Variants in DCBLD2 observed in about 807,000 individuals in gnomAD.
DCBLD2 encodes the protein discoidin, CUB and LCCL domain-containing protein 2.
In DCBLD2, 54 loss-of-function variants were observed where a neutral mutation model predicts 86.8. That is an observed-to-expected ratio of 0.62 (90% CI 0.50 to 0.78). The LOEUF (loss-of-function observed/expected upper bound fraction) is 0.78, where lower values mean the gene tolerates loss of function less well. Among genes scored for constraint, DCBLD2 ranks in the 30% least tolerant of loss-of-function variants. The pLI, the probability that DCBLD2 is intolerant of heterozygous loss-of-function variation, is 0.00. For missense variants in DCBLD2, 908 were observed against 954.2 expected, an observed-to-expected ratio of 0.95 and a Z score of 0.64; for synonymous variants, 354 against 341.3, an observed-to-expected ratio of 1.04 and a Z score of -0.41.
At chr3:98,865,132 A>T (rs139500395) in intron 2 of DCBLD2, among the ~76,000 whole-genome samples, 1 of 152,294 alleles carries the variant, frequency 6.6e-6, no homozygotes, top group East Asian at 1.9e-4. Context: ...AAGAAAATGA[A>T]ATCAGTATGT....
At chr3:98,886,420 G>C (rs1943563928) in intron 1 of DCBLD2, among the ~76,000 whole-genome samples, 2 of 151,860 alleles carry the variant, frequency 1.3e-5, no homozygotes, top group South Asian at 4.2e-4. Flanking sequence ...AGGCAGAATT[G>C]ACAAAAAGAG....
At chr3:98,849,740 A>G in intron 2 of DCBLD2, 142 bp from the exon 3 acceptor site, 5 of 945,244 alleles carry the variant, frequency 5.3e-6, no homozygotes, top group African/African-American at 1.7e-5. Context: ...TTTAATGATT[A>G]CCAATCATAT....
chr3:98,836,364 C>A (rs1290576486), intron 3 of DCBLD2, among the ~76,000 whole-genome samples: 1 of 147,594 alleles, frequency 6.8e-6, no homozygotes, highest in Admixed American at 6.8e-5. Flanking sequence ...ATTTGTATAA[C>A]ATGGAACGTT....
intron 3 of DCBLD2, among the ~76,000 whole-genome samples, chr3:98,838,675 C>T (rs901935537): frequency 1.2e-4 from 19 of 152,118 alleles, no homozygotes; most frequent in African/African-American, 4.6e-4. Context: ...AATCTCGGCA[C>T]TTTGGGAGGC....
chr3:98,880,636 T>G (rs1943448837), intron 2 of DCBLD2, among the ~76,000 whole-genome samples: 1 of 152,208 alleles, frequency 6.6e-6, no homozygotes, highest in East Asian at 1.9e-4. Context: ...TGAGAACCAC[T>G]GCTCTTAATC....
At chr3:98,817,724 C>G in intron 9 of DCBLD2, 45 bp downstream of exon 9, 1 of 1,596,738 alleles carries the variant, frequency 6.3e-7, no homozygotes, top group Non-Finnish European at 8.6e-7. Flanking sequence ...TGGCAACCAC[C>G]CATTTAAAAA....
At chr3:98,810,242 G>A (rs1040682734) in intron 12 of DCBLD2, among the ~76,000 whole-genome samples, 34 of 152,178 alleles carry the variant, frequency 2.2e-4, no homozygotes, top group Admixed American at 2.2e-3. Context: ...TCTGACAACT[G>A]GTAAGCAGTT....
At position 98,797,665 on chromosome 3, in the gene DCBLD2, G is replaced by A. The variant is rs1478986169; in HGVS notation, c.*1707C>T. On this transcript the variant is annotated 3_prime_UTR_variant, in exon 16 of 16. Coordinates refer to ENST00000326840, the MANE Select transcript of DCBLD2 (RefSeq NM_080927.4). ...AAAGTTTGGAGAAGGAAAAGCCAGT[G>A]AAAATAAGGCCAAAAAACCATACCA... is the stretch of plus-strand genomic sequence containing the variant. 6.6e-6 allele frequency: 1 copy of A among 152,160 alleles called. No homozygotes were observed. The highest frequency in any genetic ancestry group is 6.5e-5 in the Admixed American group (1 of 15,268). The allele number at this position is 152,160 out of a possible 1,614,324, so 9.4% of individuals were successfully genotyped here.
At chr3:98,871,468 T>A (rs1943281452) in intron 2 of DCBLD2, among the ~76,000 whole-genome samples, 1 of 152,152 alleles carries the variant, frequency 6.6e-6, no homozygotes, top group African/African-American at 2.4e-5. Flanking sequence ...TGTGCCTAGT[T>A]TGTTGAGGAG....
intron 3 of DCBLD2, among the ~76,000 whole-genome samples, chr3:98,839,179 T>TCCTTTCTTCCTTCCTTC (rs1559781600): frequency 3.5e-5 from 4 of 113,164 alleles, no homozygotes; most frequent in African/African-American, 1.5e-4. Context: ...TTCCTTTCTT[T>TCCTTTCTTCCTTCCTTC]CTTCCTTCCT....
intron 1 of DCBLD2, among the ~76,000 whole-genome samples, chr3:98,899,502 A>G (rs886938025): frequency 1.3e-5 from 2 of 152,076 alleles, no homozygotes; most frequent in Non-Finnish European, 2.9e-5. Flanking sequence ...TGCCCGCCTC[A>G]GCCTCCCAAA....
At chr3:98,837,864 G>A (rs1942502637) in intron 3 of DCBLD2, among the ~76,000 whole-genome samples, 2 of 145,882 alleles carry the variant, frequency 1.4e-5, no homozygotes, top group African/African-American at 5.2e-5. Context: ...TGGCCATGCG[G>A]GGGGCTGACC....
At chr3:98,846,448 A>T (rs1310776791) in intron 3 of DCBLD2, among the ~76,000 whole-genome samples, 1 of 152,224 alleles carries the variant, frequency 6.6e-6, no homozygotes, top group Non-Finnish European at 1.5e-5. Flanking sequence ...AGTCATTATA[A>T]GAAATTGTCA....
chr3:98,800,307 C>G (rs1941695478), intron 15 of DCBLD2, among the ~76,000 whole-genome samples: 1 of 152,184 alleles, frequency 6.6e-6, no homozygotes, highest in Non-Finnish European at 1.5e-5. Flanking sequence ...CCGCTCTCCT[C>G]TCAACATCTC....
intron 2 of DCBLD2, among the ~76,000 whole-genome samples, chr3:98,862,631 C>G (rs987733558): frequency 1.3e-5 from 2 of 152,192 alleles, no homozygotes; most frequent in Non-Finnish European, 2.9e-5. Context: ...CATTGATTAT[C>G]TCAATAGATG....
intron 12 of DCBLD2, among the ~76,000 whole-genome samples, chr3:98,808,813 CT>C (rs1941884819): frequency 1.3e-5 from 2 of 152,108 alleles, no homozygotes; most frequent in Non-Finnish European, 2.9e-5. Context: ...GTACAAAAAT[CT>C]ATTGGCAATT....
intron 12 of DCBLD2, 73 bp from the exon 13 acceptor site, chr3:98,808,247 TTAACCACA>T: frequency 7.7e-7 from 1 of 1,297,428 alleles, no homozygotes; most frequent in South Asian, 1.5e-5. Context: ...CTAGGGAAAA[TTAACCACA>T]TCATCTTTCA....
intron 3 of DCBLD2, among the ~76,000 whole-genome samples, chr3:98,831,158 G>T (rs144065116): frequency 6.6e-6 from 1 of 150,788 alleles, no homozygotes; most frequent in Admixed American, 6.6e-5. Context: ...TGCAACCTCC[G>T]CCTCCCGGGT....
chr3:98,876,295 G>A (rs1943367290), intron 2 of DCBLD2, among the ~76,000 whole-genome samples: 1 of 151,442 alleles, frequency 6.6e-6, no homozygotes, highest in Non-Finnish European at 1.5e-5. Context: ...GCTGAGGTGA[G>A]ATGATTGCTT....
Sources: gnomAD v4.1 joint callset for allele counts (sites outside exome capture counted in the v4.1 genomes callset) on GRCh38, gnomAD v4.1.1 for gene constraint, MANE v1.5 for transcripts, NCBI Gene and HGNC (gene_info 2026-07-23, HGNC 2026-07-21) for gene names.